KIAA1549L: variants seen among roughly 807,000 people sequenced by gnomAD.
KIAA1549L encodes KIAA1549 like, also known as UPF0606 protein KIAA1549L.
In KIAA1549L, 88 loss-of-function variants were observed where a neutral mutation model predicts 160.7. That is an observed-to-expected ratio of 0.55 (90% CI 0.46 to 0.65). The LOEUF is 0.65. KIAA1549L is among the 30% of genes least tolerant of loss of function. The pLI is 0.00. For missense variants in KIAA1549L, 2,258 were observed against 2,437.5 expected (o/e 0.93, Z 1.55); for synonymous variants, 950 against 976.7 (o/e 0.97, Z 0.51).
chr11:33,448,960 C>T (rs1194338926), intron 1 of KIAA1549L, among the ~76,000 whole-genome samples: 1 of 152,162 alleles, frequency 6.6e-6, no homozygotes, highest in Non-Finnish European at 1.5e-5. Flanking sequence ...CACCTCTTCG[C>T]ACACTTAGCG....
At chr11:33,524,514 T>TTCAC (rs926584105) in intron 1 of KIAA1549L, among the ~76,000 whole-genome samples, 4 of 65,762 alleles carry the variant, frequency 6.1e-5, no homozygotes, top group Non-Finnish European at 1.0e-4. Context: ...GCGAGAGGAA[T>TTCAC]TTACTATTTC....
At chr11:33,495,250 A>G (rs577023322) in intron 1 of KIAA1549L, among the ~76,000 whole-genome samples, 1 of 152,094 alleles carries the variant, frequency 6.6e-6, no homozygotes, top group Admixed American at 6.5e-5. Context: ...AGCATTAGAT[A>G]TATCTCCCAA....
intron 11 of KIAA1549L, among the ~76,000 whole-genome samples, chr11:33,589,933 T>G (rs561274064): frequency 4.3e-4 from 65 of 152,274 alleles, no homozygotes; most frequent in African/African-American, 1.5e-3. Flanking sequence ...AAGGAGGGGC[T>G]TCTGATCATA....
At chr11:33,443,592 A>AT (rs1351704575) in intron 1 of KIAA1549L, among the ~76,000 whole-genome samples, 1 of 151,914 alleles carries the variant, frequency 6.6e-6, no homozygotes, top group East Asian at 1.9e-4. Context: ...AAAGTACTTG[A>AT]TTTTTTTTGG....
intron 1 of KIAA1549L, among the ~76,000 whole-genome samples, chr11:33,435,216 A>G (rs1851328974): frequency 6.6e-6 from 1 of 152,190 alleles, no homozygotes; most frequent in Admixed American, 6.5e-5. Flanking sequence ...CTGATTTGCA[A>G]AGTAAGAAGA....
intron 9 of KIAA1549L, among the ~76,000 whole-genome samples, chr11:33,569,424 A>G (rs771191730): frequency 6.6e-6 from 1 of 152,232 alleles, no homozygotes; most frequent in Non-Finnish European, 1.5e-5. Flanking sequence ...TACCCCTGGC[A>G]TGTGAACCCC....
intron 1 of KIAA1549L, among the ~76,000 whole-genome samples, chr11:33,412,961 A>G (rs2134089907): frequency 6.6e-6 from 1 of 152,284 alleles, no homozygotes. Context: ...CTATAGTCCT[A>G]ATGAATATAC....
Position 33,435,804 on chromosome 11 carries a change from ATATATATG to A in KIAA1549L, c.238+58917_238+58924del, listed in dbSNP as rs1224784465. On this transcript the variant is annotated intron_variant, in intron 1 of 20. Coordinates refer to ENST00000658780, the MANE Select transcript of KIAA1549L (RefSeq NM_012194.3). ...TATATATATATATATATATATATAT[ATATATATG>A]TGTGTGTATATATATATATGTATAT... Among the ~76,000 whole-genome samples the A allele has an allele frequency of 2.1e-3, 36 of 17,134 alleles. 5 individuals carry two copies. Among genetic ancestry groups the A allele is most frequent in the African/African-American group, 0.011 (34 of 3,098 alleles). The allele number at this position is 17,134 out of a possible 152,430, so 11.2% of individuals were successfully genotyped here. A position where few individuals can be genotyped will look rare whatever the true frequency, so the allele number is the denominator to read the frequency against.
rs371077129 is a variant in KIAA1549L, at chr11:33,638,422, TA to T, written c.5410-7250del. The stretch of plus-strand genomic sequence containing the variant: ...ATGTTATTTTATTCTCTAAAATAAA[TA>T]AAAAAAAAAAAAATAAATAAATAAA... On this transcript the variant is annotated intron_variant, in intron 16 of 20. Transcript: ENST00000658780. Among the ~76,000 whole-genome samples, 401 of 43,630 alleles carry T rather than the reference TA, an allele frequency of 9.2e-3. 5 individuals carry two copies. Among genetic ancestry groups the T allele is most frequent in the South Asian group, 0.021 (39 of 1,884 alleles). 28.6% of individuals were successfully genotyped at this position (43,630 alleles called of 152,430 possible).
At chr11:33,468,730 A>G (rs1295674987) in intron 1 of KIAA1549L, among the ~76,000 whole-genome samples, 1 of 152,190 alleles carries the variant, frequency 6.6e-6, no homozygotes, top group Non-Finnish European at 1.5e-5. Flanking sequence ...ACATATCATA[A>G]CGAACTCTTC....
At chr11:33,581,367 G>A (rs4755718) in intron 10 of KIAA1549L, among the ~76,000 whole-genome samples, 28,404 of 151,496 alleles carry the variant, frequency 0.19, 3,357 homozygotes, top group East Asian at 0.37. Flanking sequence ...TAGATTATTT[G>A]GACTGTTTGA....
chr11:33,622,944 G>A (rs1217049665), intron 16 of KIAA1549L, among the ~76,000 whole-genome samples: 1 of 152,214 alleles, frequency 6.6e-6, no homozygotes, highest in African/African-American at 2.4e-5. Flanking sequence ...TTTGTTACAG[G>A]TGAGCAGTGG....
intron 1 of KIAA1549L, among the ~76,000 whole-genome samples, chr11:33,447,899 G>T (rs1851647516): frequency 6.6e-6 from 1 of 152,144 alleles, no homozygotes; most frequent in Admixed American, 6.5e-5. Context: ...GATGCTGCGA[G>T]AACTTGAGGA....
intron 3 of KIAA1549L, among the ~76,000 whole-genome samples, chr11:33,547,467 C>T (rs570222824): frequency 1.3e-5 from 2 of 152,282 alleles, no homozygotes; most frequent in South Asian, 4.2e-4. Flanking sequence ...GGAATCTCAT[C>T]GCATGCACTG....
chr11:33,643,918 G>A (rs1006270493), intron 16 of KIAA1549L, among the ~76,000 whole-genome samples: 2 of 152,176 alleles, frequency 1.3e-5, no homozygotes, highest in Non-Finnish European at 2.9e-5. Flanking sequence ...CTTTCAGGGA[G>A]CACATTTCCC....
chr11:33,606,870 G>A, intron 14 of KIAA1549L, 48 bp downstream of exon 14: 1 of 1,498,500 alleles, frequency 6.7e-7, no homozygotes, highest in South Asian at 1.3e-5. Context: ...CCAGACTTGG[G>A]AAATTCGGAC....
intron 16 of KIAA1549L, among the ~76,000 whole-genome samples, chr11:33,631,208 AC>A (rs144944298): frequency 0.043 from 6,549 of 152,166 alleles, 463 homozygotes; most frequent in African/African-American, 0.15. Flanking sequence ...TGGAGATAAA[AC>A]TCAGACTCTA....
intron 1 of KIAA1549L, among the ~76,000 whole-genome samples, chr11:33,488,438 C>T (rs1852579651): frequency 1.3e-5 from 2 of 152,132 alleles, no homozygotes; most frequent in African/African-American, 4.8e-5. Context: ...ATGAGCAAAA[C>T]AGAAAATTTT....
chr11:33,644,758 G>GGCA (rs1564938265), intron 16 of KIAA1549L, among the ~76,000 whole-genome samples: 1 of 152,250 alleles, frequency 6.6e-6, no homozygotes, highest in African/African-American at 2.4e-5. Flanking sequence ...TCCGCCACAA[G>GGCA]GCAGCAGCCT....
Sources: allele counts gnomAD v4.1 joint callset (sites outside exome capture counted in the v4.1 genomes callset), GRCh38; gene constraint gnomAD v4.1.1; transcripts MANE v1.5; gene names NCBI Gene and HGNC (gene_info 2026-07-23, HGNC 2026-07-21).